AGAP1: variants seen among roughly 807,000 people sequenced by gnomAD.
The protein encoded by AGAP1 is arf-GAP with GTPase, ANK repeat and PH domain-containing protein 1.
A neutral mutation model predicts 105.3 loss-of-function variants in AGAP1; 29 were observed. That is an observed-to-expected ratio of 0.28 (90% CI 0.21 to 0.38). The LOEUF (loss-of-function observed/expected upper bound fraction) is 0.38. Ranked by LOEUF, AGAP1 falls within the 10% of genes least tolerant of loss-of-function variation. The pLI, the probability that AGAP1 is intolerant of heterozygous loss-of-function variation, is 1.00. For synonymous variants in AGAP1, 509 were observed against 485.9 expected (o/e 1.05, Z -0.63); for missense variants, 998 against 1,165.1 (o/e 0.86, Z 2.09).
chr2:235,949,188 C>T (rs922848179), intron 12 of AGAP1, among the ~76,000 whole-genome samples: 3 of 152,122 alleles, frequency 2.0e-5, no homozygotes, highest in South Asian at 2.1e-4. Flanking sequence ...CATACATGCA[C>T]GTTGAGTTCC....
rs1324219710 is a variant in AGAP1, at chr2:235,934,970, C to T, written c.1483+4047C>T. Among the ~76,000 whole-genome samples the T allele has an allele frequency of 3.3e-5, 5 of 152,156 alleles. No individual in the cohort carries two copies. The highest frequency in any genetic ancestry group is 1.9e-4 in the East Asian group (1 of 5,192). ...TCCTCTCTAGACACACCGGTCCCCC[C>T]GGGGTTTCTTCCTTTAAAGCAGCTG... On this transcript the variant is annotated intron_variant, in intron 12 of 17. Coordinates refer to ENST00000304032, the MANE Select transcript of AGAP1 (RefSeq NM_001037131.3). The surrounding 1 kb of genome is among the most constrained non-coding windows in gnomAD (Gnocchi z 4.9).
At chr2:235,538,460 T>TGTGTGTGTGTGTGTGTGTGC (rs1553561884) in intron 1 of AGAP1, among the ~76,000 whole-genome samples, 15 of 150,554 alleles carry the variant, frequency 1.0e-4, no homozygotes, top group African/African-American at 2.7e-4. Context: ...TGTGTGTGTG[T>TGTGTGTGTGTGTGTGTGTGC]GCATGCTTGT....
In AGAP1 at chr2:236,080,486, GA is replaced by G. The variant is rs1205867717; in HGVS notation, c.2114+31206del. Among the ~76,000 whole-genome samples the G allele has an allele frequency of 3.3e-5, 5 of 152,182 alleles. No individual in the cohort carries two copies. The highest frequency in any genetic ancestry group is 2.6e-4 in the Admixed American group (4 of 15,284). ...TTACGGAGACTCTATGGCCAAGAGG[GA>G]CAGATCACACTAGACATCAAGCTCA... On this transcript the variant is annotated intron_variant, in intron 16 of 17. Coordinates refer to ENST00000304032, the MANE Select transcript of AGAP1 (RefSeq NM_001037131.3). The surrounding 1 kb of genome is among the most constrained non-coding windows in gnomAD (Gnocchi z 4.2).
At chr2:235,718,140 T>C (rs1425656804) in intron 3 of AGAP1, among the ~76,000 whole-genome samples, 1 of 152,206 alleles carries the variant, frequency 6.6e-6, no homozygotes, top group African/African-American at 2.4e-5. Context: ...AGTAAGATTT[T>C]TTTTTTTGCC....
At chr2:236,030,904 G>A (rs2057203028) in intron 13 of AGAP1, among the ~76,000 whole-genome samples, 1 of 152,224 alleles carries the variant, frequency 6.6e-6, no homozygotes, top group Admixed American at 6.5e-5. Flanking sequence ...ATATTGCTAA[G>A]CAGGGCTGTG....
rs767905240 is a variant in AGAP1 at position 235,660,307 on chromosome 2, A to T, written c.164-48872A>T. On this transcript the variant is annotated intron_variant, in intron 1 of 17. Coordinates refer to ENST00000304032, the MANE Select transcript of AGAP1 (RefSeq NM_001037131.3). The surrounding 1 kb of genome is among the most constrained non-coding windows in gnomAD (Gnocchi z 5.3). ...AGGGAGGCACTGTGTGGAAGGGTAAATGGGCTTCCTGGGGGTTTAGTACAA... is the reference window on the plus strand; with the variant it reads ...AGGGAGGCACTGTGTGGAAGGGTAATTGGGCTTCCTGGGGGTTTAGTACAA... 6.6e-6 allele frequency among the ~76,000 whole-genome samples: 1 copy of T among 152,262 alleles called. No individual in the cohort carries two copies. Among genetic ancestry groups the T allele is most frequent in the Middle Eastern group, 3.4e-3 (1 of 294 alleles).
intron 1 of AGAP1, among the ~76,000 whole-genome samples, chr2:235,580,135 G>A (rs1179810639): frequency 6.6e-6 from 1 of 152,140 alleles, no homozygotes; most frequent in Admixed American, 6.5e-5. Flanking sequence ...ACCACATTTT[G>A]TTTATTCATT....
At chr2:235,651,986 T>C (rs1043616809) in intron 1 of AGAP1, among the ~76,000 whole-genome samples, 4 of 152,178 alleles carry the variant, frequency 2.6e-5, no homozygotes, top group Admixed American at 2.6e-4. Flanking sequence ...ATTCTTAGGG[T>C]TTGGGGCACC....
Position 235,968,625 on chromosome 2 carries a change from TA to T in AGAP1, c.1645+4del, listed in dbSNP as rs2125344589. On this transcript the variant is annotated splice_donor_region_variant and intron_variant, in intron 13 of 17. Coordinates refer to ENST00000304032, the MANE Select transcript of AGAP1 (RefSeq NM_001037131.3). ...ACGGCCTGTCCGGCACTGCTGAAGGTAAGGGTTCCGCGGTGCCCCGGGAGAG... is the reference window on the plus strand; with the variant it reads ...ACGGCCTGTCCGGCACTGCTGAAGGTAGGGTTCCGCGGTGCCCCGGGAGAG... 2.5e-6 allele frequency: 4 copies of T among 1,601,086 alleles called. No individual in the cohort carries two copies. The East Asian group carries it at 9.1e-5, about 36-fold the overall frequency.
At chr2:236,029,441 AT>A (rs34156847) in intron 13 of AGAP1, among the ~76,000 whole-genome samples, 83,899 of 138,078 alleles carry the variant, frequency 0.61, 25,138 homozygotes, top group South Asian at 0.73. Flanking sequence ...ACACCCAGCC[AT>A]TTTTTTTTTT....
rs1346290307 is a variant in AGAP1 at position 236,105,615 on chromosome 2, G to T, written c.2115-14577G>T. ...CTGTCACCCAGGCTGCAGTGCAGTG[G>T]CGTGAACTCGGCTCACTGCAACCTC... On this transcript the variant is annotated intron_variant, in intron 16 of 17. Transcript: ENST00000304032. This position sits in a 1 kb window ranked among gnomAD's most constrained non-coding sequence, Gnocchi z 4.2. 1.3e-5 allele frequency among the ~76,000 whole-genome samples: 2 copies of T among 148,358 alleles called. No homozygotes were observed. Among genetic ancestry groups the T allele is most frequent in the African/African-American group, 5.0e-5 (2 of 39,814 alleles).
intron 3 of AGAP1, among the ~76,000 whole-genome samples, chr2:235,717,921 C>G (rs1375917563): frequency 6.6e-6 from 1 of 152,158 alleles, no homozygotes; most frequent in African/African-American, 2.4e-5. Flanking sequence ...CCTTTTTAAT[C>G]CAGTGTCCTT....
chr2:235,514,802 C>T (rs1574735118), intron 1 of AGAP1, among the ~76,000 whole-genome samples: 1 of 152,356 alleles, frequency 6.6e-6, no homozygotes, highest in African/African-American at 2.4e-5. Flanking sequence ...GTGGTGAGAG[C>T]TCCATGGAGC....
Position 235,719,842 on chromosome 2 carries a change from C to A in AGAP1, c.310+2198C>A, listed in dbSNP as rs1395165767. Among the ~76,000 whole-genome samples the A allele has an allele frequency of 6.6e-6, 1 of 152,196 alleles. No homozygotes were observed. Among genetic ancestry groups the A allele is most frequent in the Non-Finnish European group, 1.5e-5 (1 of 68,030 alleles). On this transcript the variant is annotated intron_variant, in intron 3 of 17. Coordinates refer to ENST00000304032, the MANE Select transcript of AGAP1 (RefSeq NM_001037131.3). The surrounding 1 kb of genome is among the most constrained non-coding windows in gnomAD (Gnocchi z 4.9). ...GCTGACAGCAGCAGACACCCAGGTG[C>A]ACCCCAGTGGGTGTGTGTCTAGGGC...
chr2:236,023,885 C>T (rs185754819), intron 13 of AGAP1, among the ~76,000 whole-genome samples: 1 of 152,274 alleles, frequency 6.6e-6, no homozygotes, highest in Admixed American at 6.5e-5. Flanking sequence ...CTCCTCTCTC[C>T]CCAGGACCCA....
At position 235,979,176 on chromosome 2, in the gene AGAP1, G is replaced by T. The variant is rs1248570473; in HGVS notation, c.1645+10553G>T. 1.4e-5 allele frequency among the ~76,000 whole-genome samples: 2 copies of T among 142,716 alleles called. No individual in the cohort carries two copies. Among genetic ancestry groups the T allele is most frequent in the African/African-American group, 2.7e-5 (1 of 37,322 alleles). 93.6% of individuals were successfully genotyped at this position (142,716 alleles called of 152,430 possible). On this transcript the variant is annotated intron_variant, in intron 13 of 17. Coordinates refer to ENST00000304032, the MANE Select transcript of AGAP1 (RefSeq NM_001037131.3). The surrounding 1 kb of genome is among the most constrained non-coding windows in gnomAD (Gnocchi z 4.5). ...TTTTGGGATATGATCTCACTGTGTT[G>T]TCCGGGCTAGTCTCAAATCCCTGGT...
At chr2:235,636,985 T>C (rs576028408) in intron 1 of AGAP1, among the ~76,000 whole-genome samples, 1 of 152,106 alleles carries the variant, frequency 6.6e-6, no homozygotes, top group Non-Finnish European at 1.5e-5. Flanking sequence ...CAGCAGACCC[T>C]CCCTCACCGC....
Position 235,630,912 on chromosome 2 carries a change from C to T in AGAP1, c.164-78267C>T, listed in dbSNP as rs781509655. The stretch of plus-strand genomic sequence containing the variant: ...TGCGGGTCTGCATAATGTATGAACA[C>T]GAGTGACAGCCAGCCGCAGCCCGAT... On this transcript the variant is annotated intron_variant, in intron 1 of 17. Coordinates refer to ENST00000304032, the MANE Select transcript of AGAP1 (RefSeq NM_001037131.3). Among the ~76,000 whole-genome samples the T allele has an allele frequency of 2.8e-4, 42 of 152,168 alleles. 2 individuals carry two copies. The highest frequency in any genetic ancestry group is 7.9e-4 in the Admixed American group (12 of 15,276).
rs540441092 is a variant in AGAP1 at position 235,623,064 on chromosome 2, T to G, written c.164-86115T>G. ...TTAGAAGCTAACTTGGACATTCTTT[T>G]TGGGGGAATAGATGTCTCTCATGCA... On this transcript the variant is annotated intron_variant, in intron 1 of 17. Coordinates refer to ENST00000304032, the MANE Select transcript of AGAP1 (RefSeq NM_001037131.3). The surrounding 1 kb of genome is among the most constrained non-coding windows in gnomAD (Gnocchi z 4.5). Among the ~76,000 whole-genome samples the G allele has an allele frequency of 3.9e-5, 6 of 152,256 alleles. No individual in the cohort carries two copies. The highest frequency in any genetic ancestry group is 1.2e-4 in the African/African-American group (5 of 41,550).
Sources: gnomAD v4.1 joint callset for allele counts (sites outside exome capture counted in the v4.1 genomes callset) on GRCh38, gnomAD v4.1.1 for gene constraint, Gnocchi (gnomAD v3.1) non-coding constraint, MANE v1.5 for transcripts, NCBI Gene and HGNC (gene_info 2026-07-23, HGNC 2026-07-21) for gene names.